Variants in ENPP2 observed in about 807,000 individuals in gnomAD.
The protein encoded by ENPP2 is ectonucleotide pyrophosphatase/phosphodiesterase 2.
ENPP2 carries 51 observed loss-of-function variants against 120.2 expected under a neutral mutation model. That is an observed-to-expected ratio of 0.42 (90% CI 0.34 to 0.54). The LOEUF is 0.54. ENPP2 is among the 20% of genes least tolerant of loss of function. ENPP2 has a pLI of 0.04. For synonymous variants in ENPP2, 365 were observed against 366.4 expected, an observed-to-expected ratio of 1.00 and a Z score of 0.04; for missense variants, 920 against 1,066.5, an observed-to-expected ratio of 0.86 and a Z score of 1.91.
intron 19 of ENPP2, chr8:119,578,344 G>A (rs1812492195): frequency 6.6e-6 from 1 of 152,184 alleles, no homozygotes; most frequent in Non-Finnish European, 1.5e-5. Context: ...ATGAGCCACT[G>A]TGCCCGGCTG....
intron 1 of ENPP2, among the ~76,000 whole-genome samples, chr8:119,669,563 G>A (rs543268880): frequency 6.6e-6 from 1 of 152,280 alleles, no homozygotes; most frequent in Admixed American, 6.5e-5. Context: ...TTTGACTTAT[G>A]CTGGCTCCAC....
chr8:119,586,435 TGAAA>T, intron 14 of ENPP2, 122 bp from the exon 15 acceptor site: 1 of 765,578 alleles, frequency 1.3e-6, no homozygotes, highest in Non-Finnish European at 2.2e-6. Context: ...AGTGAATAAA[TGAAA>T]TTTATTTCTA....
At chr8:119,666,503 G>A (rs1818074108) in intron 1 of ENPP2, among the ~76,000 whole-genome samples, 1 of 152,108 alleles carries the variant, frequency 6.6e-6, no homozygotes, top group Non-Finnish European at 1.5e-5. Context: ...AAAAAAGGCT[G>A]GGCGTGATGG....
At chr8:119,582,780 A>G (rs966786623) in intron 17 of ENPP2, among the ~76,000 whole-genome samples, 178 bp from the exon 18 acceptor site, 34 of 152,208 alleles carry the variant, frequency 2.2e-4, no homozygotes, top group African/African-American at 7.7e-4. Flanking sequence ...ATTCTGGACT[A>G]ACTACATCTT....
chr8:119,602,593 C>A (rs1034967604), intron 9 of ENPP2, among the ~76,000 whole-genome samples: 2 of 152,158 alleles, frequency 1.3e-5, no homozygotes, highest in Non-Finnish European at 2.9e-5. Flanking sequence ...CTGGCACTAG[C>A]TTTAAGGGCT....
At position 119,638,414 on chromosome 8, in the gene ENPP2, T is replaced by G. The variant is rs1817136677; in HGVS notation, c.136+11A>C. On this transcript the variant is annotated intron_variant, in intron 2 of 24. Transcript: ENST00000075322. ...TAAAAAATTGAAAATGCAAATAGTT[T>G]TGACACTTACCTGTAGGAGGACCTT... is the stretch of plus-strand genomic sequence containing the variant. 1.4e-6 allele frequency: 2 copies of G among 1,399,410 alleles called. No homozygotes were observed. The highest frequency in any genetic ancestry group is 1.4e-5 in the African/African-American group (1 of 70,570). The allele number at this position is 1,399,410 out of a possible 1,614,324, so 86.7% of individuals were successfully genotyped here. A position where few individuals can be genotyped will look rare whatever the true frequency, so the allele number is the denominator to read the frequency against.
Position 119,569,325 on chromosome 8 carries a change from G to A in ENPP2, c.1963C>T (p.Pro655Ser). 1.9e-6 allele frequency: 3 copies of A among 1,613,978 alleles called. No individual in the cohort carries two copies. The highest frequency in any genetic ancestry group is 2.2e-5 in the East Asian group (1 of 44,862). ...AAACTCGGAGAAACACGGACATCAG[G>A]CCGGACGCAACTGGTCAGATGGTCA... ...VPDHLTSCVR[P>S]DVRVSPSFSQ... The change falls in exon 21 of 25, where the codon CCT becomes TCT. Residue 655 changes from proline (P) to serine (S), a missense_variant. Transcript: ENST00000075322.
At chr8:119,636,917 T>A (rs1563762116) in intron 2 of ENPP2, among the ~76,000 whole-genome samples, 1 of 152,132 alleles carries the variant, frequency 6.6e-6, no homozygotes. Context: ...GGTACCAGCC[T>A]AGGATTTTAA....
At chr8:119,669,767 T>G (rs1297557884) in intron 1 of ENPP2, among the ~76,000 whole-genome samples, 1 of 152,192 alleles carries the variant, frequency 6.6e-6, no homozygotes. Flanking sequence ...AGTGTGTATC[T>G]ATACCTGAGA....
chr8:119,605,134 CCATCTCAGCTCACTG>C (rs1293420358), intron 9 of ENPP2, among the ~76,000 whole-genome samples: 2 of 151,928 alleles, frequency 1.3e-5, no homozygotes, highest in East Asian at 3.9e-4. Context: ...TGCAGTGGTG[CCATCTCAGCTCACTG>C]CAGCCTCAAA....
intron 1 of ENPP2, among the ~76,000 whole-genome samples, chr8:119,651,641 T>C (rs539249435): frequency 2.4e-4 from 36 of 152,310 alleles, no homozygotes; most frequent in African/African-American, 8.7e-4. Flanking sequence ...GTCTTGATAC[T>C]TGATAATGTT....
intron 19 of ENPP2, among the ~76,000 whole-genome samples, chr8:119,575,546 G>A (rs1812275410): frequency 6.6e-6 from 1 of 152,144 alleles, no homozygotes; most frequent in Admixed American, 6.5e-5. Flanking sequence ...TATTCCCTTT[G>A]TTCCCACTCT....
chr8:119,617,937 G>C (rs1815587844), intron 5 of ENPP2, among the ~76,000 whole-genome samples: 1 of 152,008 alleles, frequency 6.6e-6, no homozygotes, highest in African/African-American at 2.4e-5. Flanking sequence ...CGACAAGAGT[G>C]AAACTCCATC....
intron 4 of ENPP2, among the ~76,000 whole-genome samples, chr8:119,619,888 G>A (rs1587500049): frequency 1.3e-5 from 2 of 151,930 alleles, no homozygotes; most frequent in Middle Eastern, 3.4e-3. Flanking sequence ...ATAGAGAACA[G>A]AAAAGGCCTC....
At chr8:119,622,976 T>A (rs1816010507) in intron 3 of ENPP2, among the ~76,000 whole-genome samples, 1 of 152,156 alleles carries the variant, frequency 6.6e-6, no homozygotes, top group South Asian at 2.1e-4. Flanking sequence ...TAGAGAAAGA[T>A]AGGGTGAAAT....
intron 1 of ENPP2, among the ~76,000 whole-genome samples, chr8:119,654,160 TATA>T (rs1171193633): frequency 7.0e-6 from 1 of 142,358 alleles, no homozygotes; most frequent in Non-Finnish European, 1.5e-5. Context: ...AGTATCTATA[TATA>T]ATATTAGGTA....
chr8:119,573,428 A>G, intron 19 of ENPP2, among the ~76,000 whole-genome samples: 1 of 145,134 alleles, frequency 6.9e-6, no homozygotes, highest in African/African-American at 2.5e-5. Context: ...AAAAAAAAAG[A>G]TTCATTTTCT....
chr8:119,570,394 T>G, intron 20 of ENPP2, among the ~76,000 whole-genome samples: 1 of 151,814 alleles, frequency 6.6e-6, no homozygotes, highest in East Asian at 1.9e-4. Context: ...GCTCTTAAAA[T>G]ATAAAGTCTA....
chr8:119,636,279 G>A (rs1816995621), intron 2 of ENPP2, among the ~76,000 whole-genome samples: 1 of 152,172 alleles, frequency 6.6e-6, no homozygotes, highest in South Asian at 2.1e-4. Context: ...AACGCATAAA[G>A]ATATTTCCAC....
Sources: allele counts gnomAD v4.1 joint callset (sites outside exome capture counted in the v4.1 genomes callset), GRCh38; gene constraint gnomAD v4.1.1; transcripts MANE v1.5; gene names NCBI Gene and HGNC (gene_info 2026-07-23, HGNC 2026-07-21).